Variants in KLHL22 observed in about 807,000 individuals in gnomAD.
KLHL22 encodes the protein kelch like family member 22.
In KLHL22, 18 loss-of-function variants were observed where a neutral mutation model predicts 60.7. The observed-to-expected ratio is 0.30, with a 90% confidence interval of 0.20 to 0.44. The LOEUF (loss-of-function observed/expected upper bound fraction) is 0.44. Among genes scored for constraint, KLHL22 ranks in the 20% least tolerant of loss-of-function variants. KLHL22 has a pLI of 1.00. For synonymous variants in KLHL22, 355 were observed against 354.5 expected (o/e 1.00, Z -0.01); for missense variants, 596 against 852.3 (o/e 0.70, Z 3.74).
rs563261140 is a variant in KLHL22, at chr22:20,464,302, G to A, written c.1112+556C>T. Among the ~76,000 whole-genome samples, 11 of 152,350 alleles carry A rather than the reference G, an allele frequency of 7.2e-5. No individual in the cohort carries two copies. In the East Asian group the frequency reaches 1.3e-3, roughly 19 times the overall value. On this transcript the variant is annotated intron_variant, in intron 4 of 6. Transcript: ENST00000328879. ...AGAGCGGAAATGTAGCATGAGGCTCGGTGATGCTTGTTGGCCTTTACCACG... is the reference window on the plus strand; with the variant it reads ...AGAGCGGAAATGTAGCATGAGGCTCAGTGATGCTTGTTGGCCTTTACCACG...
At chr22:20,490,294 G>A (rs2053663475) in intron 1 of KLHL22, among the ~76,000 whole-genome samples, 1 of 152,174 alleles carries the variant, frequency 6.6e-6, no homozygotes, top group Non-Finnish European at 1.5e-5. Flanking sequence ...ATCGCTGGAG[G>A]CAATTTCCTC....
chr22:20,475,436 T>A (rs1017837725), intron 2 of KLHL22: 3 of 152,200 alleles, frequency 2.0e-5, no homozygotes, highest in Admixed American at 1.3e-4. Context: ...CTCTAGTGTT[T>A]TTATTATTGA....
chr22:20,453,799 A>G (rs1156649734), intron 5 of KLHL22, among the ~76,000 whole-genome samples: 1 of 152,104 alleles, frequency 6.6e-6, no homozygotes, highest in Non-Finnish European at 1.5e-5. Context: ...CAGTGGCGCA[A>G]TCTCGGCTCA....
chr22:20,478,331 G>A (rs905015929), intron 2 of KLHL22, among the ~76,000 whole-genome samples: 2 of 150,818 alleles, frequency 1.3e-5, no homozygotes, highest in South Asian at 2.1e-4. Flanking sequence ...TCAGTCTCCC[G>A]AGTAGCTGGG....
At chr22:20,469,112 A>C (rs906380030) in intron 3 of KLHL22, among the ~76,000 whole-genome samples, 3 of 152,140 alleles carry the variant, frequency 2.0e-5, no homozygotes, top group Admixed American at 1.3e-4. Context: ...AGGGAAAGTG[A>C]TGTTAGAAAG....
At chr22:20,494,428 T>A (rs1036413092) in intron 1 of KLHL22, among the ~76,000 whole-genome samples, 2 of 152,118 alleles carry the variant, frequency 1.3e-5, no homozygotes, top group African/African-American at 4.8e-5. Flanking sequence ...TGGTGTAGGC[T>A]AGAGTGCAGT....
chr22:20,465,036 T>A lies in KLHL22; in HGVS notation c.934A>T (p.Thr312Ser). The A allele has an allele frequency of 6.2e-7, 1 of 1,611,350 alleles. No homozygotes were observed. Among genetic ancestry groups the A allele is most frequent in the Non-Finnish European group, 8.5e-7 (1 of 1,178,452 alleles). The stretch of plus-strand genomic sequence containing the variant: ...TACTTGGCCTGGTCGCTGAGGACAG[T>A]GGACGGCGTGGAGTGAATGCCCCCG... ...GFGGIHSTPS[T>S]VLSDQAKYLN... Residue 312 changes from threonine to serine, a missense_variant, in exon 4 of 7, where the codon ACT becomes TCT. Physicochemically the swap from Thr to Ser is moderately conservative, Grantham distance 58. Transcript: ENST00000328879. This position sits in a 1 kb window ranked among gnomAD's most constrained non-coding sequence, Gnocchi z 4.9.
At chr22:20,450,889 T>G in intron 5 of KLHL22, 2 of 1,612,512 alleles carry the variant, frequency 1.2e-6, no homozygotes, top group Non-Finnish European at 1.7e-6. Flanking sequence ...AGCAAAGAAG[T>G]TTCATCTGAG....
intron 1 of KLHL22, among the ~76,000 whole-genome samples, chr22:20,494,081 C>CA (rs980540457): frequency 3.6e-5 from 4 of 112,554 alleles, no homozygotes; most frequent in African/African-American, 6.8e-5. Flanking sequence ...TTTGCCCCCC[C>CA]CCCAAAAAAA....
chr22:20,456,683 G>A (rs982618983), intron 5 of KLHL22, among the ~76,000 whole-genome samples: 2 of 152,252 alleles, frequency 1.3e-5, no homozygotes, highest in African/African-American at 2.4e-5. Flanking sequence ...GAAGCTGAGA[G>A]CAAGGAGCAG....
Position 20,467,410 on chromosome 22 carries a change from A to G in KLHL22, c.394-1834T>C, listed in dbSNP as rs5998587. Among the ~76,000 whole-genome samples the G allele has an allele frequency of 8.2e-3, 1,245 of 152,284 alleles. 24 individuals are homozygous for G. The highest frequency in any genetic ancestry group is 0.028 in the African/African-American group (1,159 of 41,552). On this transcript the variant is annotated intron_variant, in intron 3 of 6. Transcript: ENST00000328879. ...GAGGACATGCTACATCACTCTATACATAAGTTCCCCTAATAAACGCTCTGG... is the reference window on the plus strand; with the variant it reads ...GAGGACATGCTACATCACTCTATACGTAAGTTCCCCTAATAAACGCTCTGG...
intron 2 of KLHL22, among the ~76,000 whole-genome samples, chr22:20,478,756 C>T (rs1184853111): frequency 5.4e-5 from 8 of 148,680 alleles, no homozygotes; most frequent in Non-Finnish European, 1.0e-4. Flanking sequence ...CCTCGTGATC[C>T]TCCCGCCTCG....
At chr22:20,476,097 A>G (rs118161046) in intron 2 of KLHL22, among the ~76,000 whole-genome samples, 1 of 152,324 alleles carries the variant, frequency 6.6e-6, no homozygotes, top group East Asian at 1.9e-4. Flanking sequence ...GGATCTTTTT[A>G]ACTGTCCAGC....
intron 4 of KLHL22, among the ~76,000 whole-genome samples, chr22:20,462,111 A>G (rs2053163923): frequency 6.6e-6 from 1 of 151,380 alleles, no homozygotes; most frequent in South Asian, 2.1e-4. Context: ...AAACAAAAAA[A>G]CAAAAAAACA....
intron 6 of KLHL22, 57 bp from the exon 7 acceptor site, chr22:20,442,495 C>G: frequency 6.7e-7 from 1 of 1,501,334 alleles, no homozygotes; most frequent in Non-Finnish European, 8.9e-7. Flanking sequence ...GCTGCCAGCT[C>G]CCCCACAAGC....
chr22:20,479,575 T>C (rs545784818), intron 2 of KLHL22, among the ~76,000 whole-genome samples: 1 of 151,604 alleles, frequency 6.6e-6, no homozygotes, highest in African/African-American at 2.4e-5. Context: ...GGCATGGTGG[T>C]GCATGCCTAT....
intron 2 of KLHL22, among the ~76,000 whole-genome samples, chr22:20,476,709 G>A (rs1448963440): frequency 7.1e-6 from 1 of 141,154 alleles, no homozygotes. Flanking sequence ...CACCACGCCC[G>A]GCCTTTTTTT....
chr22:20,477,678 T>C (rs1057034309), intron 2 of KLHL22, among the ~76,000 whole-genome samples: 1 of 152,146 alleles, frequency 6.6e-6, no homozygotes, highest in Non-Finnish European at 1.5e-5. Flanking sequence ...ATATGAGACA[T>C]TGTGGGTGCA....
chr22:20,451,985 C>T (rs1220974208), intron 5 of KLHL22, among the ~76,000 whole-genome samples: 1 of 152,094 alleles, frequency 6.6e-6, no homozygotes. Context: ...TACTCCCCCT[C>T]GTCCTGGTTG....
Sources: allele counts gnomAD v4.1 joint callset (sites outside exome capture counted in the v4.1 genomes callset), GRCh38; gene constraint gnomAD v4.1.1; non-coding constraint Gnocchi (gnomAD v3.1); transcripts MANE v1.5; gene names NCBI Gene and HGNC (gene_info 2026-07-23, HGNC 2026-07-21).